Variants in SOX6 observed in about 807,000 individuals in gnomAD.
SOX6 encodes SRY-box transcription factor 6, also known as transcription factor SOX-6.
In SOX6, 11 loss-of-function variants were observed where a neutral mutation model predicts 97.8. The observed-to-expected ratio is 0.11, with a 90% CI of 0.07 to 0.19. SOX6 has a LOEUF of 0.19. Ranked by LOEUF, SOX6 falls within the 10% of genes least tolerant of loss-of-function variation. The probability of loss-of-function intolerance (pLI) is 1.00; values close to 1 mark genes in which losing one functional copy is unlikely to be tolerated. For synonymous variants in SOX6, 360 were observed against 371.4 expected, an observed-to-expected ratio of 0.97 and a Z score of 0.35; for missense variants, 810 against 1,039.5, an observed-to-expected ratio of 0.78 and a Z score of 3.04.
At position 16,008,011 on chromosome 11, in the gene SOX6, C is replaced by A. The variant is rs148675948; in HGVS notation, c.1732+6931G>T. On this transcript the variant is annotated intron_variant, in intron 13 of 15. Coordinates refer to ENST00000683767, the MANE Select transcript of SOX6 (RefSeq NM_001367873.1). ...CTGAAAGAGATTAGTTCCAGGACCC[C>A]CTACAGATACCAAAATCCTCAGATG... Among the ~76,000 whole-genome samples the A allele has an allele frequency of 9.7e-4, 148 of 152,112 alleles. 2 individuals are homozygous for A. The highest frequency in any genetic ancestry group is 2.6e-3 in the African/African-American group (109 of 41,522).
intron 6 of SOX6, among the ~76,000 whole-genome samples, chr11:16,131,129 TAA>T (rs1188629049): frequency 6.6e-6 from 1 of 151,750 alleles, no homozygotes; most frequent in Non-Finnish European, 1.5e-5. Context: ...ATTAAAATCG[TAA>T]ACTTTGCTCT....
chr11:16,724,691 A>G (rs766499393), intron 2 of SOX6, among the ~76,000 whole-genome samples: 9 of 152,312 alleles, frequency 5.9e-5, no homozygotes, highest in East Asian at 1.9e-4. Flanking sequence ...CTGCAAATTA[A>G]TAAGATTTTA....
At chr11:16,625,870 A>G (rs1363064433) in intron 3 of SOX6, among the ~76,000 whole-genome samples, 5 of 152,198 alleles carry the variant, frequency 3.3e-5, no homozygotes, top group Non-Finnish European at 7.3e-5. Context: ...GTTTTATAAT[A>G]AACCAGTAAT....
chr11:16,447,003 T>C (rs1859625151), intron 1 of SOX6, among the ~76,000 whole-genome samples: 1 of 50,386 alleles, frequency 2.0e-5, no homozygotes, highest in African/African-American at 7.7e-5. Context: ...CCTCCTTTCC[T>C]TTCTTCCATC....
intron 3 of SOX6, chr11:16,317,940 A>G: frequency 4.4e-6 from 2 of 451,818 alleles, no homozygotes; most frequent in Middle Eastern, 6.5e-4. Context: ...GATGTCATGT[A>G]TCAAAGAAGT....
intron 4 of SOX6, among the ~76,000 whole-genome samples, chr11:16,526,418 GT>G (rs1403096863): frequency 6.6e-6 from 1 of 151,640 alleles, no homozygotes; most frequent in East Asian, 1.9e-4. Context: ...TCACTCATAG[GT>G]GGGAATTGAA....
At chr11:16,275,431 G>C (rs1181710619) in intron 3 of SOX6, among the ~76,000 whole-genome samples, 1 of 152,116 alleles carries the variant, frequency 6.6e-6, no homozygotes, top group Non-Finnish European at 1.5e-5. Flanking sequence ...ACTCCAGCCT[G>C]GGCGAAAGAG....
chr11:16,235,350 T>C (rs568964559), intron 3 of SOX6, among the ~76,000 whole-genome samples: 22 of 152,168 alleles, frequency 1.4e-4, no homozygotes, highest in African/African-American at 5.1e-4. Context: ...CAGGGAGTAA[T>C]TACACTTGTT....
intron 3 of SOX6, among the ~76,000 whole-genome samples, chr11:16,710,556 T>C (rs1193785208): frequency 2.6e-5 from 4 of 152,214 alleles, no homozygotes; most frequent in Non-Finnish European, 4.4e-5. Context: ...CTCCAAATAC[T>C]GTATCTCCTG....
intron 4 of SOX6, among the ~76,000 whole-genome samples, chr11:16,564,548 G>A (rs1847848797): frequency 6.6e-6 from 1 of 152,020 alleles, no homozygotes; most frequent in Admixed American, 6.6e-5. Flanking sequence ...TACCAAGATA[G>A]ACAACAAACT....
intron 15 of SOX6, among the ~76,000 whole-genome samples, chr11:15,982,039 T>C (rs1025115784): frequency 1.3e-5 from 2 of 151,860 alleles, no homozygotes; most frequent in African/African-American, 4.8e-5. Flanking sequence ...GAATAAAGAT[T>C]GCCATGTATT....
At chr11:16,615,506 T>A (rs545433598) in intron 3 of SOX6, among the ~76,000 whole-genome samples, 43 of 152,344 alleles carry the variant, frequency 2.8e-4, no homozygotes, top group Middle Eastern at 6.8e-3. Flanking sequence ...AATTCCATTA[T>A]TTTTAATCAA....
intron 6 of SOX6, among the ~76,000 whole-genome samples, chr11:16,139,200 T>C (rs999621691): frequency 1.3e-5 from 2 of 152,106 alleles, no homozygotes; most frequent in African/African-American, 4.8e-5. Flanking sequence ...CGTGTTACAC[T>C]TTTTTTCTAC....
chr11:16,067,076 C>G (rs979486271), intron 9 of SOX6, among the ~76,000 whole-genome samples: 1 of 152,176 alleles, frequency 6.6e-6, no homozygotes, highest in African/African-American at 2.4e-5. Flanking sequence ...AATTAACTAA[C>G]TTGCTTCTGA....
chr11:16,407,213 C>T (rs1274296867), intron 1 of SOX6, among the ~76,000 whole-genome samples: 1 of 151,996 alleles, frequency 6.6e-6, no homozygotes, highest in African/African-American at 2.4e-5. Context: ...TACCAGAAAA[C>T]AGTATTTCAC....
At chr11:16,614,659 A>C (rs1848447618) in intron 3 of SOX6, among the ~76,000 whole-genome samples, 2 of 152,170 alleles carry the variant, frequency 1.3e-5, no homozygotes, top group African/African-American at 4.8e-5. Flanking sequence ...GAAATAATTT[A>C]TCGCGGTTGT....
At chr11:16,034,944 T>C (rs968218043) in intron 12 of SOX6, among the ~76,000 whole-genome samples, 1 of 151,956 alleles carries the variant, frequency 6.6e-6, no homozygotes, top group African/African-American at 2.4e-5. Context: ...CAGGAGCAGG[T>C]ACCCACTTCT....
At chr11:16,458,727 C>T (rs1859860890) in intron 1 of SOX6, among the ~76,000 whole-genome samples, 1 of 152,012 alleles carries the variant, frequency 6.6e-6, no homozygotes, top group Non-Finnish European at 1.5e-5. Flanking sequence ...CTGGCTTAGA[C>T]TACTAAAAAA....
chr11:16,354,976 T>G (rs1339318850), intron 1 of SOX6, among the ~76,000 whole-genome samples: 1 of 152,050 alleles, frequency 6.6e-6, no homozygotes, highest in African/African-American at 2.4e-5. Context: ...TCTCATGAGC[T>G]GATTGAAAGC....
Sources: gnomAD v4.1 joint callset for allele counts (sites outside exome capture counted in the v4.1 genomes callset) on GRCh38, gnomAD v4.1.1 for gene constraint, MANE v1.5 for transcripts, NCBI Gene and HGNC (gene_info 2026-07-23, HGNC 2026-07-21) for gene names.